The following PCSK5 variants were observed in gnomAD, a reference collection of about 807,000 sequenced individuals.
PCSK5 encodes the protein proprotein convertase subtilisin/kexin type 5.
PCSK5 carries 129 observed loss-of-function variants against 233.2 expected under a neutral mutation model. The observed-to-expected ratio is 0.55, with a 90% CI of 0.48 to 0.64. The LOEUF is 0.64. PCSK5 is among the 30% of genes least tolerant of loss of function. The probability of loss-of-function intolerance (pLI) is 0.00; values close to 1 mark genes in which losing one functional copy is unlikely to be tolerated. For missense variants in PCSK5, 2,076 were observed against 2,430.1 expected, an observed-to-expected ratio of 0.85 and a Z score of 3.06; for synonymous variants, 825 against 879.2, an observed-to-expected ratio of 0.94 and a Z score of 1.09.
intron 3 of PCSK5, among the ~76,000 whole-genome samples, 159 bp downstream of exon 3, chr9:75,986,404 G>A (rs1826518038): frequency 6.6e-6 from 1 of 152,226 alleles, no homozygotes; most frequent in Non-Finnish European, 1.5e-5. Context: ...CTATGATGCT[G>A]TCTGGATTTT....
At chr9:76,140,746 C>G (rs1386857311) in intron 10 of PCSK5, among the ~76,000 whole-genome samples, 1 of 152,010 alleles carries the variant, frequency 6.6e-6, no homozygotes, top group Non-Finnish European at 1.5e-5. Flanking sequence ...TAAGTCCAAC[C>G]TACTAAATCT....
intron 1 of PCSK5, among the ~76,000 whole-genome samples, chr9:75,911,138 A>G (rs1268509125): frequency 6.7e-6 from 1 of 149,210 alleles, no homozygotes; most frequent in Non-Finnish European, 1.5e-5. Context: ...GTCTTAGGCA[A>G]GTTAGGCATC....
chr9:75,937,579 A>G (rs1472547546), intron 2 of PCSK5, among the ~76,000 whole-genome samples: 1 of 152,198 alleles, frequency 6.6e-6, no homozygotes, highest in Non-Finnish European at 1.5e-5. Flanking sequence ...CCCTAACACG[A>G]GAGGTATCCT....
At chr9:76,314,781 C>T (rs1050290660) in intron 30 of PCSK5, among the ~76,000 whole-genome samples, 4 of 151,808 alleles carry the variant, frequency 2.6e-5, no homozygotes, top group Non-Finnish European at 4.4e-5. Flanking sequence ...GGATTACAGG[C>T]GCATGCCACC....
At chr9:76,097,426 AT>A (rs889782758) in intron 8 of PCSK5, among the ~76,000 whole-genome samples, 2 of 149,586 alleles carry the variant, frequency 1.3e-5, no homozygotes, top group Admixed American at 6.6e-5. Context: ...CGCCCGGCTA[AT>A]TTTTTTTGTA....
intron 3 of PCSK5, among the ~76,000 whole-genome samples, chr9:76,022,350 CGT>C (rs1352965956): frequency 6.6e-6 from 1 of 152,094 alleles, no homozygotes; most frequent in African/African-American, 2.4e-5. Flanking sequence ...TACTCAATGA[CGT>C]GTGTGTTAAG....
At chr9:76,126,201 G>GTGTGTGTGTGT in intron 9 of PCSK5, among the ~76,000 whole-genome samples, 1 of 148,310 alleles carries the variant, frequency 6.7e-6, no homozygotes, top group East Asian at 2.0e-4. Flanking sequence ...GTGTGTGTGT[G>GTGTGTGTGTGT]GTGTAATTTT....
intron 20 of PCSK5, among the ~76,000 whole-genome samples, chr9:76,214,054 G>A (rs1023098471): frequency 7.2e-5 from 11 of 152,134 alleles, no homozygotes; most frequent in African/African-American, 1.4e-4. Context: ...CCCTGTCCTC[G>A]GGGAAGAGTA....
In PCSK5 at chr9:76,068,042, A is replaced by G. The variant is rs907576051; in HGVS notation, c.720A>G (p.Gly240=). ...TVGIAFNAKI[G]GVRMLDGDVT... ...GAATTGCTTTCAACGCCAAGATCGG[A>G]GGTATGGGAAACCAACTCACGTGGA... The change falls in exon 6 of 38, where the codon GGA becomes GGG. Residue 240 remains glycine (G), a splice_region_variant and synonymous_variant. Coordinates refer to ENST00000674117, the MANE Select transcript of PCSK5 (RefSeq NM_001372043.1). 1 of 1,611,898 alleles carries G rather than the reference A, an allele frequency of 6.2e-7. No homozygotes were observed. The highest frequency in any genetic ancestry group is 1.1e-5 in the South Asian group (1 of 91,026).
intron 5 of PCSK5, among the ~76,000 whole-genome samples, chr9:76,044,280 A>G (rs774832868): frequency 2.0e-5 from 3 of 152,226 alleles, no homozygotes; most frequent in Non-Finnish European, 4.4e-5. Flanking sequence ...TATTCATGGT[A>G]GTATTTGAAG....
intron 20 of PCSK5, among the ~76,000 whole-genome samples, chr9:76,218,166 C>G (rs940138567): frequency 6.6e-6 from 1 of 152,082 alleles, no homozygotes; most frequent in Admixed American, 6.5e-5. Context: ...TATTTCTGAC[C>G]GACTTTGACC....
chr9:76,259,436 C>T lies in PCSK5; in HGVS notation c.3142+18752C>T, dbSNP rs1827092593. Among the ~76,000 whole-genome samples the T allele has an allele frequency of 2.1e-5, 3 of 144,724 alleles. No homozygotes were observed. The South Asian group carries it at 6.6e-4, about 32-fold the overall frequency. The allele number at this position is 144,724 out of a possible 152,430, so 94.9% of individuals were successfully genotyped here. On this transcript the variant is annotated intron_variant, in intron 24 of 37. Coordinates refer to ENST00000674117, the MANE Select transcript of PCSK5 (RefSeq NM_001372043.1). ...TTATCCTCAGCACCCAATTCAGCCT[C>T]CCTCCCTCTCTGTCTACACTACACA...
chr9:76,346,351 A>C (rs868137390), intron 35 of PCSK5, among the ~76,000 whole-genome samples: 5 of 152,152 alleles, frequency 3.3e-5, no homozygotes, highest in Middle Eastern at 3.2e-3. Flanking sequence ...TGGGTGAATT[A>C]AGGATGATGA....
At chr9:75,894,702 T>G in intron 1 of PCSK5, among the ~76,000 whole-genome samples, 1 of 152,132 alleles carries the variant, frequency 6.6e-6, no homozygotes, top group East Asian at 1.9e-4. Context: ...TCTTAGTATC[T>G]AGTGGAACCA....
chr9:76,027,239 C>T (rs1208967025), intron 5 of PCSK5, among the ~76,000 whole-genome samples: 1 of 152,046 alleles, frequency 6.6e-6, no homozygotes, highest in Non-Finnish European at 1.5e-5. Context: ...GCAGAGAGAG[C>T]CCTGGGGAAT....
At chr9:76,277,343 A>G (rs1217635421) in intron 24 of PCSK5, among the ~76,000 whole-genome samples, 2 of 152,204 alleles carry the variant, frequency 1.3e-5, no homozygotes, top group South Asian at 2.1e-4. Context: ...AGTGATCCCT[A>G]TAGGAATTGC....
intron 8 of PCSK5, among the ~76,000 whole-genome samples, chr9:76,104,581 G>C (rs1309384089): frequency 1.3e-5 from 2 of 152,210 alleles, no homozygotes; most frequent in East Asian, 3.8e-4. Context: ...TGCAGACGAA[G>C]CATATTACTA....
intron 9 of PCSK5, among the ~76,000 whole-genome samples, chr9:76,125,322 C>G (rs755582765): frequency 1.3e-5 from 2 of 152,132 alleles, no homozygotes; most frequent in Non-Finnish European, 2.9e-5. Context: ...GGCTGAACGT[C>G]CAGTCCCTAC....
intron 34 of PCSK5, among the ~76,000 whole-genome samples, chr9:76,335,286 C>A (rs1200593926): frequency 6.6e-6 from 1 of 152,130 alleles, no homozygotes; most frequent in African/African-American, 2.4e-5. Flanking sequence ...TGTTCCACAG[C>A]GTGTAAAGTT....
Sources: gnomAD v4.1 joint callset for allele counts (sites outside exome capture counted in the v4.1 genomes callset) on GRCh38, gnomAD v4.1.1 for gene constraint, MANE v1.5 for transcripts, NCBI Gene and HGNC (gene_info 2026-07-23, HGNC 2026-07-21) for gene names.